Variants in BCKDHB observed in about 807,000 individuals in gnomAD.
BCKDHB encodes the protein branched chain keto acid dehydrogenase E1 subunit beta, also known as 2-oxoisovalerate dehydrogenase subunit beta, mitochondrial.
A neutral mutation model predicts 48.5 loss-of-function variants in BCKDHB; 41 were observed. The ratio of observed to expected loss-of-function variants is 0.85; its 90% CI spans 0.66 to 1.10. The LOEUF (loss-of-function observed/expected upper bound fraction) is 1.10. Ranked by LOEUF, BCKDHB falls within the 50% of genes least tolerant of loss-of-function variation. The pLI is 0.00. For synonymous variants in BCKDHB, 201 were observed against 174.8 expected, an observed-to-expected ratio of 1.15 and a Z score of -1.18; for missense variants, 496 against 494.2, an observed-to-expected ratio of 1.00 and a Z score of -0.03.
chr6:80,416,104 G>C, the BCKDHB span, among the ~76,000 whole-genome samples: 1 of 151,562 alleles, frequency 6.6e-6, no homozygotes, highest in Non-Finnish European at 1.5e-5. Flanking sequence ...ATTTCTGTGG[G>C]GTCAGTGGGA....
At chr6:80,176,406 T>G (rs1396298158) in intron 6 of BCKDHB, among the ~76,000 whole-genome samples, 2 of 152,156 alleles carry the variant, frequency 1.3e-5, no homozygotes, top group East Asian at 3.9e-4. Flanking sequence ...GGCTTTTTCC[T>G]TATAGTCATC....
chr6:80,153,685 T>A (rs181725273), intron 3 of BCKDHB, among the ~76,000 whole-genome samples: 95 of 152,318 alleles, frequency 6.2e-4, no homozygotes, highest in African/African-American at 2.3e-3. Context: ...ATTATACATC[T>A]TATAAAATGC....
the BCKDHB span, among the ~76,000 whole-genome samples, chr6:80,428,533 G>A: frequency 6.6e-6 from 1 of 152,146 alleles, no homozygotes; most frequent in Non-Finnish European, 1.5e-5. Context: ...TCCAGCATCT[G>A]TTGTTTCCTG....
chr6:80,113,823 T>C (rs1392862038), intron 1 of BCKDHB, among the ~76,000 whole-genome samples: 2 of 152,142 alleles, frequency 1.3e-5, no homozygotes, highest in Admixed American at 6.5e-5. Flanking sequence ...GGTTACAGAA[T>C]TGTCTGGGGT....
intron 9 of BCKDHB, 62 bp downstream of exon 9, chr6:80,273,283 A>C: frequency 7.5e-7 from 1 of 1,331,808 alleles, no homozygotes. Flanking sequence ...ATTCCAGAAG[A>C]AAATAAATTA....
chr6:80,324,252 C>T (rs1341144318), intron 9 of BCKDHB, among the ~76,000 whole-genome samples: 1 of 152,066 alleles, frequency 6.6e-6, no homozygotes, highest in Non-Finnish European at 1.5e-5. Context: ...ATTCTGATAC[C>T]GTGACCATAC....
At chr6:80,156,518 G>T (rs1246718462) in intron 3 of BCKDHB, among the ~76,000 whole-genome samples, 1 of 152,104 alleles carries the variant, frequency 6.6e-6, no homozygotes, top group African/African-American at 2.4e-5. Flanking sequence ...AGTACAAAAA[G>T]AATTTTCTAT....
intron 9 of BCKDHB, among the ~76,000 whole-genome samples, chr6:80,296,163 T>G (rs1767232377): frequency 6.6e-6 from 1 of 152,182 alleles, no homozygotes; most frequent in Non-Finnish European, 1.5e-5. Flanking sequence ...TTACCTCTAT[T>G]CTAATGTTAC....
chr6:80,275,138 T>A (rs1390687925), intron 9 of BCKDHB, among the ~76,000 whole-genome samples: 2 of 152,000 alleles, frequency 1.3e-5, no homozygotes, highest in African/African-American at 4.8e-5. Flanking sequence ...TGTTCATAGA[T>A]CCTCAGGTGT....
Position 80,182,230 on chromosome 6 carries a change from T to C in BCKDHB, c.742+10840T>C, listed in dbSNP as rs115525454. On this transcript the variant is annotated intron_variant, in intron 6 of 9. Transcript: ENST00000320393. ...GAGAAGGCCCTGACTTAGTATTGAGTAGCAGGAAGAATCAAAAGGTGTTCA... is the reference window on the plus strand; with the variant it reads ...GAGAAGGCCCTGACTTAGTATTGAGCAGCAGGAAGAATCAAAAGGTGTTCA... Among the ~76,000 whole-genome samples, 1,420 of 152,300 alleles carry C rather than the reference T, an allele frequency of 9.3e-3. 30 individuals are homozygous for C. The highest frequency in any genetic ancestry group is 0.033 in the African/African-American group (1,351 of 41,562).
At chr6:80,312,484 G>A (rs1768216995) in intron 9 of BCKDHB, among the ~76,000 whole-genome samples, 2 of 152,156 alleles carry the variant, frequency 1.3e-5, no homozygotes, top group Admixed American at 1.3e-4. Flanking sequence ...TGATGAGAGA[G>A]GGCAACCTTG....
intron 8 of BCKDHB, among the ~76,000 whole-genome samples, chr6:80,253,005 G>A (rs1255047268): frequency 6.6e-6 from 1 of 151,954 alleles, no homozygotes; most frequent in Non-Finnish European, 1.5e-5. Flanking sequence ...CTTTTACATT[G>A]TTTTCCTCAC....
chr6:80,166,075 C>T (rs571084725), intron 3 of BCKDHB, among the ~76,000 whole-genome samples: 8 of 152,164 alleles, frequency 5.3e-5, no homozygotes, highest in Admixed American at 2.0e-4. Flanking sequence ...GGCTTATGAA[C>T]GTCATGGTCA....
chr6:80,341,509 C>T (rs776704200), intron 9 of BCKDHB, among the ~76,000 whole-genome samples: 65 of 152,058 alleles, frequency 4.3e-4, no homozygotes, highest in Non-Finnish European at 7.9e-4. Flanking sequence ...CTCGTGCAGA[C>T]ATATAGATGT....
intron 9 of BCKDHB, among the ~76,000 whole-genome samples, chr6:80,325,311 A>C (rs143830226): frequency 1.8e-4 from 28 of 152,320 alleles, no homozygotes; most frequent in African/African-American, 5.5e-4. Flanking sequence ...TAGGACTTCT[A>C]TAATTACATT....
At chr6:80,133,015 T>C (rs1391893051) in intron 3 of BCKDHB, among the ~76,000 whole-genome samples, 2 of 152,200 alleles carry the variant, frequency 1.3e-5, no homozygotes, top group African/African-American at 4.8e-5. Flanking sequence ...TTGATATAGT[T>C]CAATATAACA....
At position 80,199,077 on chromosome 6, in the gene BCKDHB, CAG is replaced by C. The variant is rs574004864; in HGVS notation, c.743-1854_743-1853del. Among the ~76,000 whole-genome samples the C allele has an allele frequency of 4.6e-5, 7 of 152,242 alleles. No individual in the cohort carries two copies. The South Asian group carries it at 1.5e-3, about 32-fold the overall frequency. ...TCTTCTGTGTCATCAGCTTCCAATTCAGAGTCTGCTGTGGGTGCATTGGATTG... is the reference window on the plus strand; with the variant it reads ...TCTTCTGTGTCATCAGCTTCCAATTCAGTCTGCTGTGGGTGCATTGGATTG... On this transcript the variant is annotated intron_variant, in intron 6 of 9. Transcript: ENST00000320393.
At chr6:80,240,062 C>T (rs1436580020) in intron 8 of BCKDHB, among the ~76,000 whole-genome samples, 1 of 152,076 alleles carries the variant, frequency 6.6e-6, no homozygotes, top group Non-Finnish European at 1.5e-5. Flanking sequence ...GTTCTTTTTG[C>T]TTAGAATTGT....
intron 8 of BCKDHB, among the ~76,000 whole-genome samples, chr6:80,261,770 A>G (rs1777313393): frequency 6.6e-6 from 1 of 152,096 alleles, no homozygotes; most frequent in Admixed American, 6.6e-5. Context: ...GTTGCTTAAC[A>G]CTTTCTTCTG....
Sources: allele counts gnomAD v4.1 joint callset (sites outside exome capture counted in the v4.1 genomes callset), GRCh38; gene constraint gnomAD v4.1.1; transcripts MANE v1.5; gene names NCBI Gene and HGNC (gene_info 2026-07-23, HGNC 2026-07-21).